NAV2: variants seen among roughly 807,000 people sequenced by gnomAD.
The protein encoded by NAV2 is helicase, APC down-regulated 1.
NAV2 carries 54 observed loss-of-function variants against 223.2 expected under a neutral mutation model. That is an observed-to-expected ratio of 0.24 (90% CI 0.19 to 0.30). The LOEUF (loss-of-function observed/expected upper bound fraction) is 0.30. Among genes scored for constraint, NAV2 ranks in the 10% least tolerant of loss-of-function variants. NAV2 has a pLI of 1.00. For missense variants in NAV2, 2,806 were observed against 3,147.5 expected (o/e 0.89, Z 2.60); for synonymous variants, 1,279 against 1,239.3 (o/e 1.03, Z -0.67).
intron 22 of NAV2, among the ~76,000 whole-genome samples, chr11:20,071,166 T>C (rs904269426): frequency 7.4e-6 from 1 of 134,840 alleles, no homozygotes; most frequent in Non-Finnish European, 1.5e-5. Flanking sequence ...CCATGTGCCA[T>C]GTGTTCTCAT....
intron 1 of NAV2, among the ~76,000 whole-genome samples, chr11:19,380,796 A>G (rs1351291859): frequency 6.6e-6 from 1 of 152,208 alleles, no homozygotes; most frequent in African/African-American, 2.4e-5. Context: ...AGCAGAACAA[A>G]GAACCACTTG....
intron 1 of NAV2, among the ~76,000 whole-genome samples, chr11:19,527,760 C>T (rs1235108419): frequency 2.0e-5 from 3 of 152,196 alleles, no homozygotes; most frequent in African/African-American, 7.2e-5. Flanking sequence ...TTAGGGTCCA[C>T]ACACTTGGAA....
At chr11:20,010,171 C>A (rs2153507408) in intron 11 of NAV2, among the ~76,000 whole-genome samples, 1 of 151,986 alleles carries the variant, frequency 6.6e-6, no homozygotes, top group East Asian at 1.9e-4. Flanking sequence ...TCAAACCCCA[C>A]CCCCTTCCCT....
At chr11:19,378,947 C>T (rs1326569745) in intron 1 of NAV2, among the ~76,000 whole-genome samples, 2 of 152,174 alleles carry the variant, frequency 1.3e-5, no homozygotes. Flanking sequence ...AGCAGAGGCC[C>T]ATGGCCTGAG....
chr11:19,517,897 T>A (rs1194776720), intron 1 of NAV2, among the ~76,000 whole-genome samples: 3 of 152,218 alleles, frequency 2.0e-5, no homozygotes, highest in Non-Finnish European at 4.4e-5. Context: ...AACTTTGCAT[T>A]AAGATGGAGG....
intron 1 of NAV2, among the ~76,000 whole-genome samples, chr11:19,694,877 A>C (rs2049283514): frequency 6.6e-6 from 1 of 152,160 alleles, no homozygotes; most frequent in Non-Finnish European, 1.5e-5. Context: ...TCTTGGGCCC[A>C]GTTCGGTGGG....
At chr11:19,807,992 C>T (rs2058665132) in intron 1 of NAV2, among the ~76,000 whole-genome samples, 1 of 152,204 alleles carries the variant, frequency 6.6e-6, no homozygotes, top group South Asian at 2.1e-4. Context: ...GAATTACCTT[C>T]ATAGTGGCAG....
chr11:19,720,184 T>C (rs1343709550), intron 1 of NAV2, among the ~76,000 whole-genome samples: 1 of 152,250 alleles, frequency 6.6e-6, no homozygotes, highest in Non-Finnish European at 1.5e-5. Flanking sequence ...ATTCAATGAC[T>C]ATTCTGTCTC....
chr11:19,507,219 G>C (rs758637022), intron 1 of NAV2: 3 of 152,184 alleles, frequency 2.0e-5, no homozygotes, highest in Non-Finnish European at 2.9e-5. Context: ...TTTGGAATCT[G>C]TATGTATGTA....
rs1255528481 is a variant in NAV2 at position 20,045,563 on chromosome 11, TAACTCGGTGAAAGTG to T, written c.3798_3812del (p.Ser1267_Asn1271del). ...CAGACAACGAGAGTGTGGCTTCCTG[TAACTCGGTGAAAGTG>T]AATCCGGCAGCCCAGCCTGTGTCCA... On this transcript the variant is annotated inframe_deletion, in exon 14 of 38. Coordinates refer to ENST00000349880, the MANE Select transcript of NAV2 (RefSeq NM_145117.5). 1 of 1,614,014 alleles carries T rather than the reference TAACTCGGTGAAAGTG, an allele frequency of 6.2e-7. No homozygotes were observed. The highest frequency in any genetic ancestry group is 1.3e-5 in the African/African-American group (1 of 74,894).
chr11:19,762,699 C>T (rs543467771), intron 1 of NAV2, among the ~76,000 whole-genome samples: 26 of 151,020 alleles, frequency 1.7e-4, no homozygotes, highest in African/African-American at 6.1e-4. Flanking sequence ...CTGCAGCCTC[C>T]ACCTCCTGGG....
chr11:19,825,084 G>A (rs1321719660), intron 1 of NAV2, among the ~76,000 whole-genome samples: 1 of 151,944 alleles, frequency 6.6e-6, no homozygotes, highest in Non-Finnish European at 1.5e-5. Context: ...TTGAGGCCAG[G>A]AGTTTGAGAC....
At chr11:19,939,949 T>C (rs1471430388) in intron 8 of NAV2, among the ~76,000 whole-genome samples, 176 bp downstream of exon 8, 3 of 152,152 alleles carry the variant, frequency 2.0e-5, no homozygotes, top group African/African-American at 4.8e-5. Flanking sequence ...TTGTTTTTCT[T>C]CCCTTTTCTC....
intron 6 of NAV2, among the ~76,000 whole-genome samples, chr11:19,903,256 G>A (rs1035771868): frequency 6.6e-6 from 1 of 152,198 alleles, no homozygotes; most frequent in Non-Finnish European, 1.5e-5. Context: ...ACTTGGTGGT[G>A]AGAGTGACAC....
intron 1 of NAV2, among the ~76,000 whole-genome samples, chr11:19,361,771 A>G (rs1214995818): frequency 6.6e-6 from 1 of 152,190 alleles, no homozygotes; most frequent in Non-Finnish European, 1.5e-5. Context: ...AACATCACGA[A>G]GCCCTTTGCC....
In NAV2 at chr11:19,762,534, T is replaced by C. The variant is rs182602351; in HGVS notation, c.267+48572T>C. Among the ~76,000 whole-genome samples the C allele has an allele frequency of 4.4e-3, 674 of 152,274 alleles. 4 individuals are homozygous for C. The highest frequency in any genetic ancestry group is 0.015 in the African/African-American group (642 of 41,550). On this transcript the variant is annotated intron_variant, in intron 1 of 37. Coordinates refer to ENST00000349880, the MANE Select transcript of NAV2 (RefSeq NM_145117.5). ...TTGCAGAAGCCTTGGCTCCTAATCT[T>C]CTGTTCTCCTCCATGAGCCTTGGCC... is the stretch of plus-strand genomic sequence containing the variant.
chr11:19,977,335 A>G (rs1343632882), intron 10 of NAV2, among the ~76,000 whole-genome samples: 1 of 152,234 alleles, frequency 6.6e-6, no homozygotes, highest in African/African-American at 2.4e-5. Flanking sequence ...CCCAACTGAG[A>G]AAGGCATTGT....
intron 1 of NAV2, among the ~76,000 whole-genome samples, chr11:19,441,173 T>C (rs1411315728): frequency 6.6e-6 from 1 of 152,088 alleles, no homozygotes; most frequent in Non-Finnish European, 1.5e-5. Context: ...AGGAATACGA[T>C]GCAAAGGCCT....
At chr11:19,451,111 C>T (rs1425993094) in intron 1 of NAV2, among the ~76,000 whole-genome samples, 1 of 152,146 alleles carries the variant, frequency 6.6e-6, no homozygotes, top group Non-Finnish European at 1.5e-5. Flanking sequence ...CAGGTTAACT[C>T]CACCCTGGGT....
Sources: allele counts gnomAD v4.1 joint callset (sites outside exome capture counted in the v4.1 genomes callset), GRCh38; gene constraint gnomAD v4.1.1; transcripts MANE v1.5; gene names NCBI Gene and HGNC (gene_info 2026-07-23, HGNC 2026-07-21).